NEGR1: variants seen among roughly 807,000 people sequenced by gnomAD.
NEGR1 encodes IgLON family member 4.
NEGR1 carries 10 observed loss-of-function variants against 40.9 expected under a neutral mutation model. That is an observed-to-expected ratio of 0.24 (90% CI 0.15 to 0.42). The LOEUF is 0.42. Ranked by LOEUF, NEGR1 falls within the 10% of genes least tolerant of loss-of-function variation. The pLI is 1.00. For synonymous variants in NEGR1, 185 were observed against 166.8 expected (o/e 1.11, Z -0.84); for missense variants, 352 against 438.9 (o/e 0.80, Z 1.77).
At chr1:72,152,001 T>C (rs957486655) in intron 1 of NEGR1, among the ~76,000 whole-genome samples, 5 of 151,810 alleles carry the variant, frequency 3.3e-5, no homozygotes, top group African/African-American at 1.2e-4. Context: ...ACAGAATTTT[T>C]GTAGAACAAT....
intron 6 of NEGR1, among the ~76,000 whole-genome samples, chr1:71,577,126 T>G (rs1648990190): frequency 6.6e-6 from 1 of 152,230 alleles, no homozygotes; most frequent in African/African-American, 2.4e-5. Flanking sequence ...ATTTTTTTTG[T>G]CAGTTCTTTT....
intron 6 of NEGR1, among the ~76,000 whole-genome samples, chr1:71,494,235 T>C (rs938231732): frequency 2.0e-5 from 3 of 152,140 alleles, no homozygotes; most frequent in African/African-American, 7.2e-5. Context: ...TCTAATCTCA[T>C]GAAGAACTGA....
intron 6 of NEGR1, among the ~76,000 whole-genome samples, chr1:71,482,595 C>T (rs1646861424): frequency 6.6e-6 from 1 of 151,690 alleles, no homozygotes; most frequent in South Asian, 2.1e-4. Flanking sequence ...GAATTCATGT[C>T]ATTAGAGGAT....
At chr1:72,049,732 T>C (rs1399063418) in intron 1 of NEGR1, among the ~76,000 whole-genome samples, 1 of 151,592 alleles carries the variant, frequency 6.6e-6, no homozygotes, top group Non-Finnish European at 1.5e-5. Context: ...GTTTTGTGAA[T>C]AAGCACCATT....
chr1:71,832,521 A>C (rs897379253), intron 2 of NEGR1, among the ~76,000 whole-genome samples: 17 of 152,046 alleles, frequency 1.1e-4, no homozygotes, highest in African/African-American at 4.1e-4. Flanking sequence ...TTAGAACAGC[A>C]AATAGACATC....
At chr1:72,057,009 C>T (rs182858375) in intron 1 of NEGR1, among the ~76,000 whole-genome samples, 1 of 151,492 alleles carries the variant, frequency 6.6e-6, no homozygotes, top group East Asian at 1.9e-4. Flanking sequence ...CCTTTGTGTC[C>T]CCAAAGTACT....
intron 1 of NEGR1, among the ~76,000 whole-genome samples, chr1:72,050,694 G>T (rs572174894): frequency 3.3e-5 from 5 of 151,540 alleles, no homozygotes; most frequent in Non-Finnish European, 7.4e-5. Context: ...ACCTTGTATA[G>T]TTCCCCATCT....
chr1:71,914,728 T>C (rs1048487164), intron 2 of NEGR1, among the ~76,000 whole-genome samples: 11 of 152,216 alleles, frequency 7.2e-5, no homozygotes, highest in African/African-American at 2.7e-4. Context: ...GATGGGAGGA[T>C]TGAGAGCTAC....
At chr1:71,500,299 A>G (rs993388991) in intron 6 of NEGR1, among the ~76,000 whole-genome samples, 2 of 152,078 alleles carry the variant, frequency 1.3e-5, no homozygotes, top group African/African-American at 2.4e-5. Flanking sequence ...TGTACGGCCA[A>G]ATTAATGACC....
intron 1 of NEGR1, among the ~76,000 whole-genome samples, chr1:72,121,861 T>G (rs1335322229): frequency 6.6e-6 from 1 of 152,050 alleles, no homozygotes; most frequent in African/African-American, 2.4e-5. Flanking sequence ...CTGATCATCT[T>G]TTTTTAAATT....
intron 2 of NEGR1, among the ~76,000 whole-genome samples, chr1:71,825,027 T>G (rs960484416): frequency 1.3e-5 from 2 of 151,872 alleles, no homozygotes; most frequent in South Asian, 2.1e-4. Context: ...GGTGTGGAAT[T>G]TCTAGGTCAT....
intron 6 of NEGR1, among the ~76,000 whole-genome samples, chr1:71,520,343 C>G (rs540497279): frequency 1.3e-5 from 2 of 152,150 alleles, no homozygotes; most frequent in Non-Finnish European, 2.9e-5. Flanking sequence ...GCTGACCTAC[C>G]TCCAATGTCA....
intron 2 of NEGR1, among the ~76,000 whole-genome samples, chr1:71,856,226 G>A (rs574625111): frequency 3.9e-5 from 6 of 152,082 alleles, no homozygotes; most frequent in African/African-American, 1.4e-4. Context: ...CCTACCAGTC[G>A]ATAGATACAT....
chr1:72,167,315 C>G (rs559581341), intron 1 of NEGR1, among the ~76,000 whole-genome samples: 7 of 152,124 alleles, frequency 4.6e-5, no homozygotes, highest in African/African-American at 1.7e-4. Flanking sequence ...AGAATGTAAA[C>G]ACATTCTTTA....
chr1:71,929,280 G>C (rs1278960259), intron 2 of NEGR1, among the ~76,000 whole-genome samples: 1 of 152,082 alleles, frequency 6.6e-6, no homozygotes, highest in African/African-American at 2.4e-5. Context: ...TTGTAAGTAT[G>C]AAGGTGCATT....
chr1:72,049,801 A>T (rs1022370415), intron 1 of NEGR1, among the ~76,000 whole-genome samples: 30 of 151,696 alleles, frequency 2.0e-4, no homozygotes, highest in Admixed American at 1.8e-3. Context: ...TAAAAGCTAA[A>T]TTGTTGGTGT....
chr1:71,657,879 C>A (rs1021517435), intron 4 of NEGR1, among the ~76,000 whole-genome samples: 1 of 152,170 alleles, frequency 6.6e-6, no homozygotes, highest in African/African-American at 2.4e-5. Flanking sequence ...AAATTAATAA[C>A]TATAGCAGCA....
At chr1:71,599,075 T>C (rs1649834227) in intron 5 of NEGR1, among the ~76,000 whole-genome samples, 1 of 152,200 alleles carries the variant, frequency 6.6e-6, no homozygotes, top group African/African-American at 2.4e-5. Flanking sequence ...TTTTTGTAAT[T>C]CTTAGTTTTT....
At chr1:71,978,760 G>C (rs1028321104) in intron 1 of NEGR1, among the ~76,000 whole-genome samples, 4 of 152,024 alleles carry the variant, frequency 2.6e-5, no homozygotes, top group African/African-American at 9.7e-5. Flanking sequence ...TGGTGGGAGT[G>C]TATATTAGTT....
Sources: gnomAD v4.1 joint callset for allele counts (sites outside exome capture counted in the v4.1 genomes callset) on GRCh38, gnomAD v4.1.1 for gene constraint, MANE v1.5 for transcripts, NCBI Gene and HGNC (gene_info 2026-07-23, HGNC 2026-07-21) for gene names.